Variants in ZER1 observed in about 807,000 individuals in gnomAD.
ZER1 encodes protein zer-1 homolog.
Under a neutral mutation model 78.8 loss-of-function variants are expected in ZER1, and 11 were observed. The ratio of observed to expected loss-of-function variants is 0.14; its 90% confidence interval spans 0.09 to 0.23. The LOEUF (loss-of-function observed/expected upper bound fraction) is 0.23. ZER1 is among the 10% of genes least tolerant of loss of function. ZER1 has a pLI of 1.00. For missense variants in ZER1, 588 were observed against 996.9 expected (o/e 0.59, Z 5.52); for synonymous variants, 400 against 407.0 (o/e 0.98, Z 0.21).
Position 128,754,822 on chromosome 9 carries a change from C to A in ZER1, c.158+586G>T, listed in dbSNP as rs975767441. ...TACACGTGTGAGCCACCATGCCTGG[C>A]CACCATCTGGGCCTGTAGATTGAAC... On this transcript the variant is annotated intron_variant, in intron 2 of 15. Transcript: ENST00000291900. This position sits in a 1 kb window ranked among gnomAD's most constrained non-coding sequence, Gnocchi z 4.3. Among the ~76,000 whole-genome samples, 1 of 152,128 alleles carries A rather than the reference C, an allele frequency of 6.6e-6. No homozygotes were observed. The highest frequency in any genetic ancestry group is 1.5e-5 in the Non-Finnish European group (1 of 68,018).
chr9:128,740,912 C>T lies in ZER1; in HGVS notation c.1738-25G>A, dbSNP rs774303429. ...CCTGGGAAAAGGAGAGCCAATGGGC[C>T]GCATCAATTAGTACTTAATGACTTA... On this transcript the variant is annotated intron_variant, in intron 11 of 15. Transcript: ENST00000291900. The surrounding 1 kb of genome is among the most constrained non-coding windows in gnomAD (Gnocchi z 4.4). 24 of 779,468 alleles carry T rather than the reference C, an allele frequency of 3.1e-5. No individual in the cohort carries two copies. Among genetic ancestry groups the T allele is most frequent in the Non-Finnish European group, 5.5e-5 (23 of 417,510 alleles). 48.3% of individuals were successfully genotyped at this position (779,468 alleles called of 1,614,324 possible). A position where few individuals can be genotyped will look rare whatever the true frequency, so the allele number is the denominator to read the frequency against.
Position 128,751,356 on chromosome 9 carries a change from G to T in ZER1, c.1038+57C>A, listed in dbSNP as rs1007700722. 2.5e-6 allele frequency: 4 copies of T among 1,612,204 alleles called. No individual in the cohort carries two copies. Among genetic ancestry groups the T allele is most frequent in the Admixed American group, 1.7e-5 (1 of 59,948 alleles). ...GCTCAGTCTCCAGCCCCAGAATCCA[G>T]CTCCTTCTCTCTCCCAAGGCTCCCT... On this transcript the variant is annotated intron_variant, in intron 6 of 15. Transcript: ENST00000291900. The surrounding 1 kb of genome is among the most constrained non-coding windows in gnomAD (Gnocchi z 5.4).
chr9:128,766,474 G>C (rs933290548), intron 1 of ZER1, among the ~76,000 whole-genome samples: 2 of 152,246 alleles, frequency 1.3e-5, no homozygotes, highest in East Asian at 3.9e-4. Flanking sequence ...GGAAGGAAGG[G>C]GCTATGGCTA....
intron 1 of ZER1, among the ~76,000 whole-genome samples, chr9:128,763,766 T>C (rs1197722602): frequency 6.6e-6 from 1 of 152,112 alleles, no homozygotes; most frequent in Non-Finnish European, 1.5e-5. Flanking sequence ...GGTAGGTGGA[T>C]CACCTGAGGT....
rs1403339071 is a variant in ZER1, at chr9:128,751,475, G to A, written c.976C>T (p.Leu326=). 6.2e-7 allele frequency: 1 copy of A among 1,614,138 alleles called. No individual in the cohort carries two copies. The highest frequency in any genetic ancestry group is 8.5e-7 in the Non-Finnish European group (1 of 1,180,042). ...IIPFRALKRP[L]QFLGLFENSL... ...TTCTCAAAGAGCCCGAGGAACTGCA[G>A]CGGCCTCTTCAGAGCCCGGAAAGGT... Residue 326 remains leucine (L), a synonymous_variant, in exon 6 of 16, where the codon CTG becomes TTG. Transcript: ENST00000291900. The surrounding 1 kb of genome is among the most constrained non-coding windows in gnomAD (Gnocchi z 5.4).
At chr9:128,752,552 C>T in intron 5 of ZER1, 121 bp downstream of exon 5, 2 of 1,130,646 alleles carry the variant, frequency 1.8e-6, no homozygotes, top group Non-Finnish European at 1.2e-6. Flanking sequence ...AACTCCTGGC[C>T]TCAAGTGATC....
Position 128,731,211 on chromosome 9 carries a change from A to G in ZER1, c.*126T>C, listed in dbSNP as rs1427813928. ...ATTAAGGAAAAGCGTCGGTTGTGCA[A>G]AAGTCCCCCATGTCTCTTCACTCCG... On this transcript the variant is annotated 3_prime_UTR_variant, in exon 16 of 16. Transcript: ENST00000291900. The G allele has an allele frequency of 7.6e-6, 5 of 657,084 alleles. No individual in the cohort carries two copies. In the East Asian group the frequency reaches 8.5e-5, roughly 11 times the overall value. 40.7% of individuals were successfully genotyped at this position (657,084 alleles called of 1,614,324 possible).
intron 1 of ZER1, among the ~76,000 whole-genome samples, chr9:128,759,470 C>G (rs1436989004): frequency 6.6e-6 from 1 of 151,688 alleles, no homozygotes; most frequent in East Asian, 2.0e-4. Flanking sequence ...AGCCACCGTG[C>G]CTGGCCCGAA....
At chr9:128,760,264 G>C (rs1449637173) in intron 1 of ZER1, among the ~76,000 whole-genome samples, 1 of 151,724 alleles carries the variant, frequency 6.6e-6, no homozygotes, top group Non-Finnish European at 1.5e-5. Flanking sequence ...GTGCAGTGGG[G>C]CAATCTCAGC....
At chr9:128,756,638 A>T (rs181231363) in intron 1 of ZER1, among the ~76,000 whole-genome samples, 350 of 151,864 alleles carry the variant, frequency 2.3e-3, no homozygotes, top group Middle Eastern at 6.8e-3. Flanking sequence ...AAATCAGTTT[A>T]AAAAAAAAGT....
At chr9:128,772,064 T>C (rs1864405778), upstream of ZER1, 1 of 152,296 alleles carries the variant, frequency 6.6e-6, no homozygotes, top group Non-Finnish European at 1.5e-5. Flanking sequence ...CCCGGCACGT[T>C]ACGCCGGTGG....
At chr9:128,731,437 T>TGGGGGGTTTGGGGGGGGGGTTGGGGG in intron 15 of ZER1, 43 bp from the exon 16 acceptor site, 1 of 451,616 alleles carries the variant, frequency 2.2e-6, no homozygotes, top group Non-Finnish European at 4.3e-6. Flanking sequence ...TGGGCTTGGG[T>TGGGGGGTTTGGGGGGGGGGTTGGGGG]GGGGGTGAGC....
chr9:128,756,891 T>A (rs960360773), intron 1 of ZER1, among the ~76,000 whole-genome samples: 4 of 152,210 alleles, frequency 2.6e-5, no homozygotes, highest in African/African-American at 9.6e-5. Context: ...ATTATATATA[T>A]CTCAGTAAAA....
chr9:128,733,261 C>T, intron 15 of ZER1, 165 bp downstream of exon 15: 1 of 557,194 alleles, frequency 1.8e-6, no homozygotes, highest in South Asian at 2.5e-5. Context: ...GTCGAGATGA[C>T]ATTTGGAGAG....
At chr9:128,747,547 C>T (rs1277083613) in intron 8 of ZER1, among the ~76,000 whole-genome samples, 1 of 152,202 alleles carries the variant, frequency 6.6e-6, no homozygotes, top group Non-Finnish European at 1.5e-5. Context: ...GTGGCTTTCG[C>T]TCTATTTAAT....
At chr9:128,736,035 G>T (rs1311277182) in intron 13 of ZER1, among the ~76,000 whole-genome samples, 1 of 151,578 alleles carries the variant, frequency 6.6e-6, no homozygotes, top group African/African-American at 2.4e-5. Flanking sequence ...TGCAAGCTCC[G>T]CCTCCCTGGT....
chr9:128,758,023 T>A (rs937254298), intron 1 of ZER1, among the ~76,000 whole-genome samples: 1 of 151,902 alleles, frequency 6.6e-6, no homozygotes, highest in Non-Finnish European at 1.5e-5. Flanking sequence ...TATGGTATAT[T>A]CATCTACTAA....
rs766714457 is a variant in ZER1 at position 128,754,008 on chromosome 9, T to C, written c.159-49A>G. The C allele has an allele frequency of 1.3e-6, 2 of 1,548,194 alleles. No homozygotes were observed. The highest frequency in any genetic ancestry group is 3.9e-5 in the Admixed American group (2 of 50,714). ...CAGGAGAGGGCCACAGGGACTCTCA[T>C]CCTCGCTTCAAAGCCAAGCCCTCCT... On this transcript the variant is annotated intron_variant, in intron 2 of 15. Transcript: ENST00000291900. This position sits in a 1 kb window ranked among gnomAD's most constrained non-coding sequence, Gnocchi z 4.3.
chr9:128,742,948 A>G (rs1863353864), intron 8 of ZER1, among the ~76,000 whole-genome samples: 1 of 152,164 alleles, frequency 6.6e-6, no homozygotes. Context: ...TAAAACACAA[A>G]TGTATAGTTT....
Sources: gnomAD v4.1 joint callset for allele counts (sites outside exome capture counted in the v4.1 genomes callset) on GRCh38, gnomAD v4.1.1 for gene constraint, Gnocchi (gnomAD v3.1) non-coding constraint, MANE v1.5 for transcripts, NCBI Gene and HGNC (gene_info 2026-07-23, HGNC 2026-07-21) for gene names.